The following NTM variants were observed in gnomAD, a reference collection of about 807,000 sequenced individuals.
NTM encodes IgLON family member 2.
A neutral mutation model predicts 42.1 loss-of-function variants in NTM; 13 were observed. That is an observed-to-expected ratio of 0.31 (90% CI 0.20 to 0.49). The LOEUF (loss-of-function observed/expected upper bound fraction) is 0.49. Among genes scored for constraint, NTM ranks in the 20% least tolerant of loss-of-function variants. The pLI, the probability that NTM is intolerant of heterozygous loss-of-function variation, is 0.99. For missense variants in NTM, 373 were observed against 452.8 expected (o/e 0.82, Z 1.60); for synonymous variants, 187 against 179.2 (o/e 1.04, Z -0.35).
intron 2 of NTM, among the ~76,000 whole-genome samples, chr11:132,098,393 C>T (rs772039338): frequency 3.9e-5 from 6 of 152,174 alleles, no homozygotes; most frequent in African/African-American, 1.2e-4. Context: ...TTTGGCGTTG[C>T]GGCCATCTCC....
chr11:132,253,000 C>T (rs1462739697), intron 4 of NTM, among the ~76,000 whole-genome samples: 5 of 152,158 alleles, frequency 3.3e-5, no homozygotes, highest in Non-Finnish European at 5.9e-5. Flanking sequence ...ATTACAGTAC[C>T]GTCTTGCAGG....
intron 1 of NTM, among the ~76,000 whole-genome samples, chr11:131,807,279 GT>G (rs1331018755): frequency 6.6e-6 from 1 of 152,206 alleles, no homozygotes. Context: ...GCTTTTAAAG[GT>G]TATTTGAAGT....
chr11:132,101,342 T>A (rs1022631101), intron 2 of NTM, among the ~76,000 whole-genome samples: 6 of 152,140 alleles, frequency 3.9e-5, no homozygotes, highest in Non-Finnish European at 7.4e-5. Context: ...CTCTACCTCA[T>A]CTATGTTGAC....
chr11:131,908,900 G>A lies in NTM; in HGVS notation c.83-2664G>A, dbSNP rs151063203. ...TACAAACAAAGATCTTCTGCTCCCCGCAGATGTAATTGTTTATTCCTGATA... is the reference window on the plus strand; with the variant it reads ...TACAAACAAAGATCTTCTGCTCCCCACAGATGTAATTGTTTATTCCTGATA... On this transcript the variant is annotated intron_variant, in intron 1 of 8. Transcript: ENST00000683400. Among the ~76,000 whole-genome samples, 43 of 152,234 alleles carry A rather than the reference G, an allele frequency of 2.8e-4. No individual in the cohort carries two copies. In the East Asian group the frequency reaches 7.3e-3, roughly 26 times the overall value.
At position 131,720,694 on chromosome 11, in the gene NTM, T is replaced by G. The variant is rs575369337; in HGVS notation, c.83-190870T>G. On this transcript the variant is annotated intron_variant, in intron 1 of 8. Transcript: ENST00000683400. Reference sequence around the variant, plus strand: ...AGCATTATACTGACTTCCATTAGGCTAATGGACTATTTTGGCTCCAGAGGC... The same window carrying G: ...AGCATTATACTGACTTCCATTAGGCGAATGGACTATTTTGGCTCCAGAGGC... Among the ~76,000 whole-genome samples, 5 of 152,320 alleles carry G rather than the reference T, an allele frequency of 3.3e-5. No homozygotes were observed. In the East Asian group the frequency reaches 9.7e-4, roughly 29 times the overall value.
chr11:131,463,901 C>T (rs927161809), intron 1 of NTM, among the ~76,000 whole-genome samples: 11 of 152,244 alleles, frequency 7.2e-5, no homozygotes, highest in African/African-American at 1.4e-4. Context: ...CAGCTTCTGG[C>T]TCCCAGAGAT....
At chr11:131,997,376 C>T (rs555667098) in intron 2 of NTM, among the ~76,000 whole-genome samples, 23 of 152,130 alleles carry the variant, frequency 1.5e-4, no homozygotes, top group Non-Finnish European at 2.6e-4. Flanking sequence ...TGGGTACGTG[C>T]GGAACACTGG....
At chr11:131,877,432 A>G (rs2048702666) in intron 1 of NTM, among the ~76,000 whole-genome samples, 1 of 152,174 alleles carries the variant, frequency 6.6e-6, no homozygotes, top group Non-Finnish European at 1.5e-5. Flanking sequence ...CTTCAAAAGA[A>G]TTCTTAGGAA....
At chr11:132,078,370 C>T (rs886393418) in intron 2 of NTM, among the ~76,000 whole-genome samples, 6 of 152,190 alleles carry the variant, frequency 3.9e-5, no homozygotes, top group Admixed American at 2.0e-4. Context: ...TAGTTTCCCT[C>T]GGTGTGGCTC....
chr11:131,533,464 G>C (rs936595323), intron 1 of NTM, among the ~76,000 whole-genome samples: 29 of 152,276 alleles, frequency 1.9e-4, no homozygotes, highest in South Asian at 1.7e-3. Context: ...TGAAATGGGG[G>C]GCCTGGGCCT....
chr11:131,992,316 A>G lies in NTM; in HGVS notation c.167+80668A>G, dbSNP rs542084582. On this transcript the variant is annotated intron_variant, in intron 2 of 8. Transcript: ENST00000683400. ...CAATAATGCAATACATATAACATGC[A>G]AAATATGTACTGATTGACTATGTTA... Among the ~76,000 whole-genome samples, 5 of 152,324 alleles carry G rather than the reference A, an allele frequency of 3.3e-5. No homozygotes were observed. The South Asian group carries it at 1.0e-3, about 32-fold the overall frequency.
intron 1 of NTM, among the ~76,000 whole-genome samples, chr11:131,666,727 C>T (rs190811522): frequency 6.6e-6 from 1 of 152,290 alleles, no homozygotes; most frequent in African/African-American, 2.4e-5. Context: ...TGGATAAGAT[C>T]AGTGCAACAG....
intron 4 of NTM, among the ~76,000 whole-genome samples, chr11:132,235,906 G>T (rs2088751770): frequency 6.6e-6 from 1 of 152,022 alleles, no homozygotes; most frequent in Non-Finnish European, 1.5e-5. Flanking sequence ...TGCCATTGCT[G>T]TGACCCTTTT....
At chr11:131,474,450 C>G (rs1469417221) in intron 1 of NTM, among the ~76,000 whole-genome samples, 2 of 152,096 alleles carry the variant, frequency 1.3e-5, no homozygotes, top group Admixed American at 6.6e-5. Flanking sequence ...ATCTTGATCT[C>G]CAGTCCATGA....
chr11:131,810,504 G>C (rs1344804716), intron 1 of NTM, among the ~76,000 whole-genome samples: 1 of 152,172 alleles, frequency 6.6e-6, no homozygotes, highest in Non-Finnish European at 1.5e-5. Context: ...AGGGAGACTC[G>C]AGCAGCCAGA....
At chr11:131,531,777 G>T (rs891733927) in intron 1 of NTM, among the ~76,000 whole-genome samples, 4 of 152,194 alleles carry the variant, frequency 2.6e-5, no homozygotes, top group African/African-American at 9.7e-5. Context: ...CTTTAAGAAA[G>T]CAAGTATGGG....
chr11:131,568,193 G>A (rs1360446645), intron 1 of NTM, among the ~76,000 whole-genome samples: 2 of 152,158 alleles, frequency 1.3e-5, no homozygotes, highest in African/African-American at 4.8e-5. Flanking sequence ...ATCATAAACA[G>A]TAAACAAAAA....
At chr11:131,710,495 C>T (rs76459459) in intron 1 of NTM, among the ~76,000 whole-genome samples, 4,245 of 152,176 alleles carry the variant, frequency 0.028, 185 homozygotes, top group African/African-American at 0.091. Flanking sequence ...CAGCTCTGTA[C>T]TGAAATCTTA....
At chr11:131,644,960 C>T (rs536090932) in intron 1 of NTM, among the ~76,000 whole-genome samples, 2 of 152,232 alleles carry the variant, frequency 1.3e-5, no homozygotes, top group Admixed American at 6.5e-5. Flanking sequence ...CCTTCGACAA[C>T]AGGCAGGCTC....
Sources: gnomAD v4.1 joint callset for allele counts (sites outside exome capture counted in the v4.1 genomes callset) on GRCh38, gnomAD v4.1.1 for gene constraint, MANE v1.5 for transcripts, NCBI Gene and HGNC (gene_info 2026-07-23, HGNC 2026-07-21) for gene names.